The following ENPP2 variants were observed in gnomAD, a reference collection of about 807,000 sequenced individuals.
The protein encoded by ENPP2 is autotaxin.
A neutral mutation model predicts 120.2 loss-of-function variants in ENPP2; 51 were observed. The observed-to-expected ratio is 0.42, with a 90% confidence interval of 0.34 to 0.54. The LOEUF is 0.54. ENPP2 is among the 20% of genes least tolerant of loss of function. The pLI is 0.04. For missense variants in ENPP2, 920 were observed against 1,066.5 expected (o/e 0.86, Z 1.91); for synonymous variants, 365 against 366.4 (o/e 1.00, Z 0.04).
In ENPP2 at chr8:119,668,636, C is replaced by A. The variant is rs372852493; in HGVS notation, c.21+4616G>T. On this transcript the variant is annotated intron_variant, in intron 1 of 25. Coordinates refer to the ENPP2 transcript ENST00000427067. ...GAGAGACAGGGTTTCACCATGTTGGCCAGGATGGTCTCCATCTCTTGACCT... is the reference window on the plus strand; with the variant it reads ...GAGAGACAGGGTTTCACCATGTTGGACAGGATGGTCTCCATCTCTTGACCT... Among the ~76,000 whole-genome samples the A allele has an allele frequency of 3.9e-5, 6 of 152,060 alleles. No homozygotes were observed. The South Asian group carries it at 1.2e-3, about 32-fold the overall frequency.
intron 2 of ENPP2, among the ~76,000 whole-genome samples, chr8:119,627,670 T>A (rs1816375722): frequency 6.6e-6 from 1 of 152,002 alleles, no homozygotes; most frequent in African/African-American, 2.4e-5. Context: ...GAGACCAGCC[T>A]GGCCAACACA....
At chr8:119,646,598 C>T (rs532908815) in intron 1 of ENPP2, among the ~76,000 whole-genome samples, 47 of 152,234 alleles carry the variant, frequency 3.1e-4, no homozygotes, top group Admixed American at 5.9e-4. Flanking sequence ...ACTGTGAGAC[C>T]TTATATGACC....
chr8:119,599,067 T>C (rs1814102102), intron 11 of ENPP2, among the ~76,000 whole-genome samples: 1 of 152,212 alleles, frequency 6.6e-6, no homozygotes, highest in Admixed American at 6.5e-5. Flanking sequence ...TTTAGGTTAA[T>C]CTCAAAGAAA....
At chr8:119,597,359 C>A (rs1813970282) in intron 11 of ENPP2, among the ~76,000 whole-genome samples, 1 of 152,150 alleles carries the variant, frequency 6.6e-6, no homozygotes. Context: ...CCTCAACATT[C>A]CAAAGACTCC....
chr8:119,560,820 C>A (rs2129893545), intron 24 of ENPP2, among the ~76,000 whole-genome samples: 1 of 146,418 alleles, frequency 6.8e-6, no homozygotes, highest in African/African-American at 2.4e-5. Context: ...AACCAAGTAA[C>A]CACACAACAT....
intron 2 of ENPP2, among the ~76,000 whole-genome samples, chr8:119,637,091 C>T (rs1283253556): frequency 6.6e-6 from 1 of 152,016 alleles, no homozygotes; most frequent in African/African-American, 2.4e-5. Flanking sequence ...TGAAAAGAAC[C>T]AGCAGTTGGC....
rs58435393 is a variant in ENPP2 at position 119,659,334 on chromosome 8, A to AAAAAAAAAAAAAAAAC, written c.21+13917_21+13918insGTTTTTTTTTTTTTTT. 2.5e-4 allele frequency among the ~76,000 whole-genome samples: 33 copies of AAAAAAAAAAAAAAAAC among 130,788 alleles called. 3 individuals are homozygous for AAAAAAAAAAAAAAAAC. Among genetic ancestry groups the AAAAAAAAAAAAAAAAC allele is most frequent in the South Asian group, 1.7e-3 (6 of 3,468 alleles). The allele number at this position is 130,788 out of a possible 152,430, so 85.8% of individuals were successfully genotyped here. A position where few individuals can be genotyped will look rare whatever the true frequency, so the allele number is the denominator to read the frequency against. Reference sequence around the variant, plus strand: ...TCTGTCTCAATTAAAAAAAAAAAAAAAAACCAGAGTTCTTAAGAATTTTCT... The same window carrying AAAAAAAAAAAAAAAAC: ...TCTGTCTCAATTAAAAAAAAAAAAAAAAAAAAAAAAAAAAACAAACCAGAGTTCTTAAGAATTTTCT... On this transcript the variant is annotated intron_variant, in intron 1 of 25. Transcript: ENST00000427067.
At chr8:119,655,254 T>C (rs1290505731) in intron 1 of ENPP2, among the ~76,000 whole-genome samples, 1 of 152,244 alleles carries the variant, frequency 6.6e-6, no homozygotes, top group African/African-American at 2.4e-5. Flanking sequence ...ATTGCCTCTC[T>C]GACACGTCTG....
chr8:119,579,955 A>C (rs1812614342), intron 19 of ENPP2, among the ~76,000 whole-genome samples, 161 bp downstream of exon 19: 1 of 152,214 alleles, frequency 6.6e-6, no homozygotes. Context: ...GTGTACATGG[A>C]ATAAACAAAT....
rs566404175 is a variant in ENPP2 at position 119,663,287 on chromosome 8, T to G, written c.21+9965A>C. 7.2e-5 allele frequency among the ~76,000 whole-genome samples: 11 copies of G among 152,356 alleles called. No individual in the cohort carries two copies. The South Asian group carries it at 2.3e-3, about 32-fold the overall frequency. ...CACATTGTCAGTAACCTCTGAAGTCTTACTTAGGTAAATGCATAATTTTCA... is the reference window on the plus strand; with the variant it reads ...CACATTGTCAGTAACCTCTGAAGTCGTACTTAGGTAAATGCATAATTTTCA... On this transcript the variant is annotated intron_variant, in intron 1 of 25. Coordinates refer to the ENPP2 transcript ENST00000427067.
chr8:119,623,239 G>C (rs1816031680), intron 3 of ENPP2, among the ~76,000 whole-genome samples: 1 of 152,126 alleles, frequency 6.6e-6, no homozygotes, highest in Non-Finnish European at 1.5e-5. Flanking sequence ...GCCGAGGCAG[G>C]TGGATCGTGA....
intron 1 of ENPP2, among the ~76,000 whole-genome samples, chr8:119,656,139 T>G (rs967361118): frequency 2.6e-5 from 4 of 152,158 alleles, no homozygotes; most frequent in African/African-American, 7.2e-5. Flanking sequence ...TATGGCCTCA[T>G]GTAATAAAAT....
chr8:119,577,676 T>C (rs1405216643), intron 19 of ENPP2, among the ~76,000 whole-genome samples: 1 of 152,218 alleles, frequency 6.6e-6, no homozygotes, highest in Admixed American at 6.5e-5. Flanking sequence ...AGACTTAGAA[T>C]AGCATGAGCT....
chr8:119,574,218 G>C (rs1485329291), intron 19 of ENPP2, among the ~76,000 whole-genome samples: 1 of 151,974 alleles, frequency 6.6e-6, no homozygotes, highest in Non-Finnish European at 1.5e-5. Flanking sequence ...CATCTTGGGG[G>C]AGCCACCCAC....
chr8:119,563,128 T>G (rs1408470590), intron 23 of ENPP2, 115 bp from the exon 24 acceptor site: 1 of 833,684 alleles, frequency 1.2e-6, no homozygotes, highest in African/African-American at 1.7e-5. Flanking sequence ...CCCATTCAAT[T>G]GAATCATTTT....
In ENPP2 at chr8:119,619,298, G is replaced by T; in HGVS notation, c.425C>A (p.Ser142Ter). The change falls in exon 5 of 25, where the codon TCG (serine) becomes TAG (stop). Residue 142 changes from serine (S) to a stop codon, truncating the protein, a stop_gained. Transcript: ENST00000075322. LOFTEE classifies it high-confidence loss of function. The part of the protein sequence containing the change: ...TNYQVVCKGE[S>*]HWVDDDCEEI... ...CTCACAGTCATCATCAACCCAATGCGACTCTCCTATAAGGAAAAATGGGTA... is the reference window on the plus strand; with the variant it reads ...CTCACAGTCATCATCAACCCAATGCTACTCTCCTATAAGGAAAAATGGGTA... 6.2e-7 allele frequency: 1 copy of T among 1,608,550 alleles called. No homozygotes were observed. Among genetic ancestry groups the T allele is most frequent in the Non-Finnish European group, 8.5e-7 (1 of 1,175,432 alleles).
In ENPP2 at chr8:119,624,010, T is replaced by A. The variant is rs191947950; in HGVS notation, c.293-2491A>T. 4.2e-4 allele frequency among the ~76,000 whole-genome samples: 64 copies of A among 152,284 alleles called. No homozygotes were observed. In the East Asian group the frequency reaches 8.3e-3, roughly 20 times the overall value. On this transcript the variant is annotated intron_variant, in intron 3 of 24. Transcript: ENST00000075322. ...TAGAATTGCTTTTCCCATGACCTGC[T>A]CTTCCCAATGATGAGCAATCTTCTA...
intron 13 of ENPP2, among the ~76,000 whole-genome samples, chr8:119,590,013 C>G (rs1482244223): frequency 6.6e-6 from 1 of 152,142 alleles, no homozygotes; most frequent in Non-Finnish European, 1.5e-5. Flanking sequence ...TAGGTTCTAC[C>G]AATCACTTTT....
chr8:119,640,121 A>G (rs1817232094), upstream of ENPP2, among the ~76,000 whole-genome samples: 1 of 152,234 alleles, frequency 6.6e-6, no homozygotes. Context: ...GTTTCATTAC[A>G]GATTCTTAGA....
Sources: allele counts gnomAD v4.1 joint callset (sites outside exome capture counted in the v4.1 genomes callset), GRCh38; gene constraint gnomAD v4.1.1; transcripts MANE v1.5; gene names NCBI Gene and HGNC (gene_info 2026-07-23, HGNC 2026-07-21).